The following LYRM4 variants were observed in gnomAD, a reference collection of about 807,000 sequenced individuals.
LYRM4 encodes LYR motif containing 4, also known as LYR motif-containing protein 4.
Under a neutral mutation model 11.7 loss-of-function variants are expected in LYRM4, and 9 were observed. That is an observed-to-expected ratio of 0.77 (90% confidence interval 0.46 to 1.34). LYRM4 has a LOEUF of 1.34. Among genes scored for constraint, LYRM4 ranks in the 40% most tolerant of loss-of-function variants. The pLI, the probability that LYRM4 is intolerant of heterozygous loss-of-function variation, is 0.00. For missense variants in LYRM4, 133 were observed against 112.5 expected (o/e 1.18, Z -0.82); for synonymous variants, 42 against 40.4 (o/e 1.04, Z -0.15).
the LYRM4 span, chr6:5,085,327 C>G: frequency 3.5e-6 from 2 of 576,210 alleles, no homozygotes; most frequent in Non-Finnish European, 5.9e-6. Context: ...GCCGGAGGCT[C>G]CAAAGTGGAA....
intron 2 of LYRM4, among the ~76,000 whole-genome samples, chr6:5,194,366 CCT>C (rs1419291403): frequency 6.6e-6 from 1 of 152,080 alleles, no homozygotes; most frequent in African/African-American, 2.4e-5. Context: ...CCCAGCATCC[CCT>C]GTGACCCGTG....
At chr6:5,033,505 G>A in the LYRM4 span, 1 of 152,078 alleles carries the variant, frequency 6.6e-6, no homozygotes, top group Non-Finnish European at 1.5e-5. Context: ...CAGGACCCGA[G>A]ACTCACAGGG....
chr6:5,093,645 T>A, the LYRM4 span, among the ~76,000 whole-genome samples: 83 of 152,388 alleles, frequency 5.4e-4, no homozygotes, highest in Non-Finnish European at 9.6e-4. Flanking sequence ...CTGGTTAGAT[T>A]TGTTAGATCC....
intron 1 of LYRM4, among the ~76,000 whole-genome samples, chr6:5,254,888 G>A (rs923493097): frequency 1.3e-5 from 2 of 152,036 alleles, no homozygotes; most frequent in Admixed American, 6.6e-5. Flanking sequence ...CCAAAATTCC[G>A]GTGGGAGGTG....
chr6:5,210,758 A>T (rs1761950534), intron 2 of LYRM4, among the ~76,000 whole-genome samples: 1 of 152,220 alleles, frequency 6.6e-6, no homozygotes. Flanking sequence ...TATAAATGGA[A>T]TCATACAGTA....
intron 2 of LYRM4, among the ~76,000 whole-genome samples, chr6:5,199,516 T>C (rs1318352018): frequency 5.9e-5 from 9 of 152,214 alleles, no homozygotes; most frequent in African/African-American, 1.9e-4. Context: ...GTGAATTTTG[T>C]GGTATGTGAA....
At chr6:5,128,624 A>G (rs1005378725) in intron 2 of LYRM4, among the ~76,000 whole-genome samples, 1 of 152,336 alleles carries the variant, frequency 6.6e-6, no homozygotes, top group African/African-American at 2.4e-5. Context: ...CATTTGGAGA[A>G]GATGCTTCCC....
At chr6:5,240,952 C>A (rs1314109376) in intron 1 of LYRM4, among the ~76,000 whole-genome samples, 2 of 152,174 alleles carry the variant, frequency 1.3e-5, no homozygotes, top group African/African-American at 4.8e-5. Context: ...AGGGAATGTA[C>A]CTGCCTGAAC....
At chr6:5,241,348 C>T (rs1763868094) in intron 1 of LYRM4, among the ~76,000 whole-genome samples, 2 of 152,180 alleles carry the variant, frequency 1.3e-5, no homozygotes, top group Admixed American at 6.5e-5. Flanking sequence ...CTGAAGCTAC[C>T]TTTTCTTCTC....
chr6:5,241,982 ATAT>A (rs1763907699), intron 1 of LYRM4, among the ~76,000 whole-genome samples: 1 of 152,098 alleles, frequency 6.6e-6, no homozygotes, highest in Non-Finnish European at 1.5e-5. Flanking sequence ...ACTCCCGGCC[ATAT>A]TACTACTACC....
chr6:5,150,375 G>A lies in LYRM4; in HGVS notation c.208-40884C>T, dbSNP rs930758775. Among the ~76,000 whole-genome samples the A allele has an allele frequency of 2.6e-5, 4 of 152,206 alleles. No homozygotes were observed. The East Asian group carries it at 5.8e-4, about 22-fold the overall frequency. On this transcript the variant is annotated intron_variant, in intron 2 of 2. Coordinates refer to ENST00000330636, the MANE Select transcript of LYRM4 (RefSeq NM_020408.6). ...TTCCTTCTCTGTTTAACCAAGGCTG[G>A]GGACCTTAGGCCATCAGACCTGGGT... is the stretch of plus-strand genomic sequence containing the variant.
At chr6:5,182,895 T>C (rs1194003699) in intron 2 of LYRM4, among the ~76,000 whole-genome samples, 1 of 152,236 alleles carries the variant, frequency 6.6e-6, no homozygotes, top group Non-Finnish European at 1.5e-5. Flanking sequence ...ATATTTTATG[T>C]TATAGAGAAT....
chr6:5,059,340 C>CA, the LYRM4 span, among the ~76,000 whole-genome samples: 15,282 of 85,738 alleles, frequency 0.18, 1,174 homozygotes, highest in Middle Eastern at 0.32. Context: ...CGCCCTGTCT[C>CA]AAAAAAAAAA....
intron 2 of LYRM4, among the ~76,000 whole-genome samples, chr6:5,117,865 C>T (rs1486273431): frequency 6.6e-6 from 1 of 151,810 alleles, no homozygotes; most frequent in Non-Finnish European, 1.5e-5. Context: ...AGCAACATAG[C>T]AAGACCCAGT....
chr6:5,241,497 T>C (rs902166895), intron 1 of LYRM4, among the ~76,000 whole-genome samples: 4 of 152,240 alleles, frequency 2.6e-5, no homozygotes, highest in African/African-American at 9.6e-5. Flanking sequence ...ATTCTTCCAA[T>C]GCTTTTGATC....
the LYRM4 span, chr6:5,066,642 A>C: frequency 8.4e-7 from 1 of 1,187,370 alleles, no homozygotes; most frequent in African/African-American, 1.5e-5. Context: ...ACCAATTTCA[A>C]GTAATGCCTG....
chr6:5,129,695 T>C (rs1011186269), intron 2 of LYRM4, among the ~76,000 whole-genome samples: 1 of 152,230 alleles, frequency 6.6e-6, no homozygotes, highest in African/African-American at 2.4e-5. Context: ...GATTAGGATG[T>C]GGACGCCTTT....
At chr6:5,160,386 T>C (rs749708363) in intron 2 of LYRM4, among the ~76,000 whole-genome samples, 10 of 152,056 alleles carry the variant, frequency 6.6e-5, no homozygotes, top group Non-Finnish European at 1.5e-4. Flanking sequence ...CCCACCCAAA[T>C]CTCATCTTGA....
chr6:5,085,288 C>A, the LYRM4 span: 1 of 518,532 alleles, frequency 1.9e-6, no homozygotes, highest in Admixed American at 3.9e-5. Flanking sequence ...ATCCTCCTCC[C>A]ACTTCGCCCT....
Sources: gnomAD v4.1 joint callset for allele counts (sites outside exome capture counted in the v4.1 genomes callset) on GRCh38, gnomAD v4.1.1 for gene constraint, MANE v1.5 for transcripts, NCBI Gene and HGNC (gene_info 2026-07-23, HGNC 2026-07-21) for gene names.